The following PPP1CC variants were observed in gnomAD, a reference collection of about 807,000 sequenced individuals.
The protein encoded by PPP1CC is protein phosphatase 1 catalytic subunit gamma.
In PPP1CC, 16 loss-of-function variants were observed where a neutral mutation model predicts 38.4. That is an observed-to-expected ratio of 0.42 (90% CI 0.28 to 0.63). The LOEUF is 0.63. Among genes scored for constraint, PPP1CC ranks in the 30% least tolerant of loss-of-function variants. The pLI, the probability that PPP1CC is intolerant of heterozygous loss-of-function variation, is 0.25. For synonymous variants in PPP1CC, 158 were observed against 136.0 expected (o/e 1.16, Z -1.13); for missense variants, 170 against 391.3 (o/e 0.43, Z 4.77).
At chr12:110,725,571 C>T (rs894101595) in intron 3 of PPP1CC, 4 of 152,298 alleles carry the variant, frequency 2.6e-5, no homozygotes, top group Admixed American at 1.3e-4. Flanking sequence ...GCACAGGCAT[C>T]CACACATTCT....
At chr12:110,731,980 A>C in intron 1 of PPP1CC, 79 bp from the exon 2 acceptor site, 1 of 1,506,058 alleles carries the variant, frequency 6.6e-7, no homozygotes, top group Non-Finnish European at 9.1e-7. Context: ...AGGGGCAAAA[A>C]CATGGTTTAA....
chr12:110,722,589 A>G lies in PPP1CC; in HGVS notation c.630T>C (p.Asp210=), dbSNP rs1273906695. The part of the protein sequence containing the change: ...LLCDLLWSDP[D]KDVLGWGEND... ...TTTCACCCCAGCCTAAGACATCTTT[A>G]TCGGGGTCAGACCACAAAAGATCAC... Residue 210 remains aspartate (D), a synonymous_variant, in exon 5 of 7, where the codon GAT becomes GAC. Coordinates refer to ENST00000335007, the MANE Select transcript of PPP1CC (RefSeq NM_002710.4). This position sits in a 1 kb window ranked among gnomAD's most constrained non-coding sequence, Gnocchi z 5.4. 1 of 1,614,206 alleles carries G rather than the reference A, an allele frequency of 6.2e-7. No individual in the cohort carries two copies. Among genetic ancestry groups the G allele is most frequent in the Non-Finnish European group, 8.5e-7 (1 of 1,180,034 alleles).
chr12:110,723,126 A>C (rs2136540793), intron 4 of PPP1CC, among the ~76,000 whole-genome samples: 1 of 152,374 alleles, frequency 6.6e-6, no homozygotes. Flanking sequence ...ACAGACCATT[A>C]AAATCTACAA....
chr12:110,712,806 T>TCA, the PPP1CC span, among the ~76,000 whole-genome samples: 2 of 151,784 alleles, frequency 1.3e-5, no homozygotes, highest in Non-Finnish European at 2.9e-5. Context: ...GCGTGGTGGC[T>TCA]CACACCTGTA....
At chr12:110,738,110 G>A (rs1478672405) in intron 1 of PPP1CC, among the ~76,000 whole-genome samples, 1 of 152,144 alleles carries the variant, frequency 6.6e-6, no homozygotes, top group East Asian at 1.9e-4. Context: ...TACATTTTGA[G>A]TTTTCATTTG....
At chr12:110,733,107 ATT>A (rs564058518) in intron 1 of PPP1CC, 57 of 152,192 alleles carry the variant, frequency 3.7e-4, no homozygotes, top group African/African-American at 1.3e-3. Flanking sequence ...TTCGTAAGTA[ATT>A]TTTTTTCTCT....
At chr12:110,730,044 A>C (rs2069854192) in intron 3 of PPP1CC, among the ~76,000 whole-genome samples, 1 of 152,256 alleles carries the variant, frequency 6.6e-6, no homozygotes, top group Non-Finnish European at 1.5e-5. Context: ...TTACAGCGGC[A>C]GTGTTATTTT....
intron 3 of PPP1CC, among the ~76,000 whole-genome samples, chr12:110,728,403 A>AAAAAC (rs2069832731): frequency 6.7e-6 from 1 of 149,244 alleles, no homozygotes; most frequent in Non-Finnish European, 1.5e-5. Flanking sequence ...GTCTCAAAAA[A>AAAAAC]AAAAAAAAAA....
At chr12:110,735,294 C>T (rs548242792) in intron 1 of PPP1CC, among the ~76,000 whole-genome samples, 13 of 152,198 alleles carry the variant, frequency 8.5e-5, no homozygotes, top group African/African-American at 2.2e-4. Context: ...CACTTATCCA[C>T]TAGGCACTGT....
chr12:110,719,241 C>T (rs2069712469), downstream of PPP1CC, among the ~76,000 whole-genome samples: 1 of 152,046 alleles, frequency 6.6e-6, no homozygotes, highest in Non-Finnish European at 1.5e-5. Flanking sequence ...GTAATGAGGT[C>T]CCCCTTCCCT....
At position 110,722,707 on chromosome 12, in the gene PPP1CC, G is replaced by GA; in HGVS notation, c.524-13_524-12insT. 2 of 1,527,662 alleles carry GA rather than the reference G, an allele frequency of 1.3e-6. No individual in the cohort carries two copies. Among genetic ancestry groups the GA allele is most frequent in the Non-Finnish European group, 8.8e-7 (1 of 1,138,240 alleles). The allele number at this position is 1,527,662 out of a possible 1,614,324, so 94.6% of individuals were successfully genotyped here. A position where few individuals can be genotyped will look rare whatever the true frequency, so the allele number is the denominator to read the frequency against. On this transcript the variant is annotated splice_polypyrimidine_tract_variant and intron_variant, in intron 4 of 6. Coordinates refer to ENST00000335007, the MANE Select transcript of PPP1CC (RefSeq NM_002710.4). This position sits in a 1 kb window ranked among gnomAD's most constrained non-coding sequence, Gnocchi z 5.4. Reference sequence around the variant, plus strand: ...ATCTGGTGATAAACCTATTCAATGAGGAAAAAAAAAAAATGAAGAAAGCAG... The same window carrying GA: ...ATCTGGTGATAAACCTATTCAATGAGAGAAAAAAAAAAAATGAAGAAAGCAG...
intron 3 of PPP1CC, among the ~76,000 whole-genome samples, 191 bp downstream of exon 3, chr12:110,730,338 A>C (rs550900440): frequency 6.6e-6 from 1 of 152,316 alleles, no homozygotes; most frequent in African/African-American, 2.4e-5. Context: ...CAGCCTGGGC[A>C]ACAGAGTGAG....
rs1302618820 is a variant in PPP1CC at position 110,721,176 on chromosome 12, A to G, written c.883-11T>C. The G allele has an allele frequency of 6.2e-7, 1 of 1,608,712 alleles. No individual in the cohort carries two copies. Among genetic ancestry groups the G allele is most frequent in the African/African-American group, 1.3e-5 (1 of 74,760 alleles). ...TGCAGGCTTTAAAATCTGGAGATTC[A>G]AAAGACAGTTAATTTAGGAAATATA... is the stretch of plus-strand genomic sequence containing the variant. On this transcript the variant is annotated splice_polypyrimidine_tract_variant and intron_variant, in intron 6 of 6. Transcript: ENST00000335007.
chr12:110,713,657 G>A, the PPP1CC span, among the ~76,000 whole-genome samples: 1 of 152,152 alleles, frequency 6.6e-6, no homozygotes, highest in African/African-American at 2.4e-5. Context: ...GCAGCCCCCA[G>A]CCCCTGCTTT....
At chr12:110,735,961 A>G (rs1453042893) in intron 1 of PPP1CC, among the ~76,000 whole-genome samples, 1 of 152,134 alleles carries the variant, frequency 6.6e-6, no homozygotes, top group Non-Finnish European at 1.5e-5. Context: ...GCTACTCGGG[A>G]GGCTGAGGCA....
chr12:110,722,503 T>C lies in PPP1CC; in HGVS notation c.716A>G (p.His239Arg). ...GGCTCTACATATAAGATCCAAATCA[T>C]GCTTATGGAGAAATTTTGCAACCAC... ...AEVVAKFLHK[H>R]DLDLICRAHQ... The change falls in exon 5 of 7, where the codon CAT becomes CGT. Residue 239 changes from histidine to arginine, a missense_variant. By Grantham distance (29) the His-to-Arg change is conservative. This residue lies in a region of PPP1CC where 117 missense variants were observed against 344.4 expected (regional missense o/e 0.34). Coordinates refer to ENST00000335007, the MANE Select transcript of PPP1CC (RefSeq NM_002710.4). This position sits in a 1 kb window ranked among gnomAD's most constrained non-coding sequence, Gnocchi z 5.4. 6.2e-7 allele frequency: 1 copy of C among 1,614,198 alleles called. No homozygotes were observed.
In PPP1CC at chr12:110,735,466, C is replaced by G. The variant is rs1474309067; in HGVS notation, c.56-3565G>C. 2.0e-5 allele frequency among the ~76,000 whole-genome samples: 3 copies of G among 152,274 alleles called. No individual in the cohort carries two copies. In the East Asian group the frequency reaches 5.8e-4, roughly 29 times the overall value. On this transcript the variant is annotated intron_variant, in intron 1 of 6. Coordinates refer to ENST00000335007, the MANE Select transcript of PPP1CC (RefSeq NM_002710.4). ...GCATTCTTAATTCCCAATTAAGAATCTGTTCTACATTGAACTTCAAAACCA... is the reference window on the plus strand; with the variant it reads ...GCATTCTTAATTCCCAATTAAGAATGTGTTCTACATTGAACTTCAAAACCA...
chr12:110,738,372 G>C (rs1201658143), intron 1 of PPP1CC, among the ~76,000 whole-genome samples: 1 of 152,152 alleles, frequency 6.6e-6, no homozygotes, highest in Admixed American at 6.5e-5. Context: ...TATCTACAAA[G>C]CGACTGACAC....
rs564771214 is a variant in PPP1CC at position 110,742,237 on chromosome 12, AGAG to A, written c.55+413_55+415del. 3.2e-3 allele frequency among the ~76,000 whole-genome samples: 494 copies of A among 152,288 alleles called. 3 individuals carry two copies. The highest frequency in any genetic ancestry group is 0.011 in the African/African-American group (464 of 41,558). ...CATGCCCTCATCAAACTGCCTTCCG[AGAG>A]GACGAGCACCGAAAAGTCCATCTCG... On this transcript the variant is annotated intron_variant, in intron 1 of 6. Coordinates refer to ENST00000335007, the MANE Select transcript of PPP1CC (RefSeq NM_002710.4).
Sources: allele counts gnomAD v4.1 joint callset (sites outside exome capture counted in the v4.1 genomes callset), GRCh38; gene constraint gnomAD v4.1.1; regional missense constraint gnomAD v4.1.1; non-coding constraint Gnocchi (gnomAD v3.1); transcripts MANE v1.5; gene names NCBI Gene and HGNC (gene_info 2026-07-23, HGNC 2026-07-21).